Variants in KCNMB4 observed in about 807,000 individuals in gnomAD.
KCNMB4 encodes potassium calcium-activated channel subfamily M regulatory beta subunit 4, also known as calcium-activated potassium channel subunit beta-4.
KCNMB4 carries 3 observed loss-of-function variants against 20.7 expected under a neutral mutation model. That is an observed-to-expected ratio of 0.14 (90% CI 0.07 to 0.37). KCNMB4 has a LOEUF of 0.37. Among genes scored for constraint, KCNMB4 ranks in the 10% least tolerant of loss-of-function variants. The pLI is 1.00. For synonymous variants in KCNMB4, 110 were observed against 113.4 expected (o/e 0.97, Z 0.19); for missense variants, 168 against 265.9 (o/e 0.63, Z 2.56).
intron 2 of KCNMB4, among the ~76,000 whole-genome samples, chr12:70,428,924 A>G (rs1217356500): frequency 6.6e-6 from 1 of 152,248 alleles, no homozygotes; most frequent in Non-Finnish European, 1.5e-5. Context: ...TTTACTTAAT[A>G]TAAATTTTAT....
chr12:70,383,870 A>AC (rs924308621), intron 1 of KCNMB4, among the ~76,000 whole-genome samples: 1 of 152,194 alleles, frequency 6.6e-6, no homozygotes, highest in African/African-American at 2.4e-5. Flanking sequence ...GGAGTTTGAG[A>AC]CCAGCCTGGC....
intron 1 of KCNMB4, among the ~76,000 whole-genome samples, chr12:70,386,803 A>G (rs1284608729): frequency 6.6e-6 from 1 of 152,180 alleles, no homozygotes; most frequent in Non-Finnish European, 1.5e-5. Context: ...AATGTTTTTC[A>G]TTAGAGGACC....
intron 1 of KCNMB4, among the ~76,000 whole-genome samples, chr12:70,378,817 G>A (rs571930682): frequency 6.6e-6 from 1 of 152,194 alleles, no homozygotes; most frequent in South Asian, 2.1e-4. Flanking sequence ...GATTACAGGT[G>A]TAAGCCACCA....
chr12:70,386,878 C>T (rs971067530), intron 1 of KCNMB4, among the ~76,000 whole-genome samples: 4 of 152,134 alleles, frequency 2.6e-5, no homozygotes, highest in Non-Finnish European at 5.9e-5. Context: ...TATCTGTACA[C>T]ATGAGAGCAC....
intron 2 of KCNMB4, among the ~76,000 whole-genome samples, chr12:70,416,840 C>T (rs1355112055): frequency 1.3e-5 from 2 of 151,940 alleles, no homozygotes; most frequent in African/African-American, 4.8e-5. Flanking sequence ...TTCTGTCTTC[C>T]TACAAGCAAT....
At chr12:70,418,714 A>C (rs1470440315) in intron 2 of KCNMB4, among the ~76,000 whole-genome samples, 1 of 152,126 alleles carries the variant, frequency 6.6e-6, no homozygotes, top group Non-Finnish European at 1.5e-5. Context: ...TCATCTGTGC[A>C]CATTGTACCC....
rs1171315921 is a variant in KCNMB4 at position 70,433,685 on chromosome 12, G to A, written c.*3032G>A. ...AAGACAAAAATGATAGCAGCCAATGGCCCATGCCGTGATAATCTGCTGAGC... is the reference window on the plus strand; with the variant it reads ...AAGACAAAAATGATAGCAGCCAATGACCCATGCCGTGATAATCTGCTGAGC... On this transcript the variant is annotated 3_prime_UTR_variant, in exon 3 of 3. Coordinates refer to ENST00000258111, the MANE Select transcript of KCNMB4 (RefSeq NM_014505.6). The A allele has an allele frequency of 6.6e-6, 1 of 152,254 alleles. No homozygotes were observed. The highest frequency in any genetic ancestry group is 1.5e-5 in the Non-Finnish European group (1 of 68,060). 9.4% of individuals were successfully genotyped at this position (152,254 alleles called of 1,614,324 possible).
chr12:70,414,913 G>A (rs1477278887), intron 2 of KCNMB4, among the ~76,000 whole-genome samples: 1 of 152,100 alleles, frequency 6.6e-6, no homozygotes, highest in Non-Finnish European at 1.5e-5. Context: ...CATCATATTT[G>A]TTATATCTTC....
chr12:70,430,365 A>C, intron 2 of KCNMB4, 120 bp from the exon 3 acceptor site: 1 of 1,011,476 alleles, frequency 9.9e-7, no homozygotes, highest in Non-Finnish European at 1.5e-6. Context: ...TTATAGTCAG[A>C]GTGCAGCCTT....
chr12:70,426,823 A>G (rs1473345952), intron 2 of KCNMB4, among the ~76,000 whole-genome samples: 2 of 152,216 alleles, frequency 1.3e-5, no homozygotes, highest in Non-Finnish European at 2.9e-5. Flanking sequence ...GCTGACTGTC[A>G]TTATTATCAC....
At chr12:70,370,110 T>G (rs1317374466) in intron 1 of KCNMB4, among the ~76,000 whole-genome samples, 1 of 152,142 alleles carries the variant, frequency 6.6e-6, no homozygotes, top group Non-Finnish European at 1.5e-5. Flanking sequence ...GGGTGGGGCC[T>G]GGGCATTGAT....
In KCNMB4 at chr12:70,402,597, A is replaced by G. The variant is rs967343753; in HGVS notation, c.464+2261A>G. On this transcript the variant is annotated intron_variant, in intron 2 of 2. Transcript: ENST00000258111. ...TAAGCCTTGGGAGGTTGAGGCTGCAATGAGCCATGATCACACCACTGCACT... is the reference window on the plus strand; with the variant it reads ...TAAGCCTTGGGAGGTTGAGGCTGCAGTGAGCCATGATCACACCACTGCACT... Among the ~76,000 whole-genome samples the G allele has an allele frequency of 9.3e-4, 135 of 145,900 alleles. 1 individual carries two copies. Among genetic ancestry groups the G allele is most frequent in the African/African-American group, 3.3e-3 (130 of 39,236 alleles).
At chr12:70,368,149 T>G (rs899072640) in intron 1 of KCNMB4, among the ~76,000 whole-genome samples, 5 of 152,108 alleles carry the variant, frequency 3.3e-5, no homozygotes, top group African/African-American at 1.2e-4. Flanking sequence ...AGAAAAACAG[T>G]CCAAAAGGGA....
chr12:70,387,743 A>G (rs765656657), intron 1 of KCNMB4, among the ~76,000 whole-genome samples: 38 of 152,144 alleles, frequency 2.5e-4, no homozygotes, highest in Admixed American at 5.2e-4. Flanking sequence ...GTTTTGATGC[A>G]GGCATGCAAA....
At chr12:70,393,928 C>T (rs1868326937) in intron 1 of KCNMB4, among the ~76,000 whole-genome samples, 1 of 152,110 alleles carries the variant, frequency 6.6e-6, no homozygotes, top group African/African-American at 2.4e-5. Context: ...CCTTCCCAGC[C>T]CATTCTCTGA....
chr12:70,426,306 A>AT (rs1491360384), intron 2 of KCNMB4, among the ~76,000 whole-genome samples: 3 of 151,740 alleles, frequency 2.0e-5, no homozygotes, highest in Admixed American at 2.0e-4. Flanking sequence ...AAAAAAAAAA[A>AT]GAAAAAAAGA....
At chr12:70,386,015 A>C (rs973903668) in intron 1 of KCNMB4, among the ~76,000 whole-genome samples, 1 of 152,204 alleles carries the variant, frequency 6.6e-6, no homozygotes, top group African/African-American at 2.4e-5. Flanking sequence ...ATTTATGATT[A>C]CATTGAAACA....
chr12:70,391,990 G>A (rs1868303575), intron 1 of KCNMB4, among the ~76,000 whole-genome samples: 1 of 152,046 alleles, frequency 6.6e-6, no homozygotes, highest in African/African-American at 2.4e-5. Flanking sequence ...GGAAGCACCA[G>A]TTTTTTTTAT....
At chr12:70,406,087 A>G (rs773721684) in intron 2 of KCNMB4, among the ~76,000 whole-genome samples, 1 of 152,164 alleles carries the variant, frequency 6.6e-6, no homozygotes, top group Non-Finnish European at 1.5e-5. Flanking sequence ...AAATTCATAG[A>G]TTAAAAAAGT....
Sources: gnomAD v4.1 joint callset for allele counts (sites outside exome capture counted in the v4.1 genomes callset) on GRCh38, gnomAD v4.1.1 for gene constraint, MANE v1.5 for transcripts, NCBI Gene and HGNC (gene_info 2026-07-23, HGNC 2026-07-21) for gene names.